The following MAP1LC3A variants were observed in gnomAD, a reference collection of about 807,000 sequenced individuals.
The protein encoded by MAP1LC3A is microtubule associated protein 1 light chain 3 alpha.
In MAP1LC3A, 10 loss-of-function variants were observed where a neutral mutation model predicts 15.2. The observed-to-expected ratio is 0.66, with a 90% CI of 0.41 to 1.12. MAP1LC3A has a LOEUF of 1.12. Among genes scored for constraint, MAP1LC3A ranks in the 50% most tolerant of loss-of-function variants. MAP1LC3A has a pLI of 0.00. For synonymous variants in MAP1LC3A, 63 were observed against 64.3 expected (o/e 0.98, Z 0.10); for missense variants, 138 against 167.3 (o/e 0.82, Z 0.97).
At chr20:34,554,796 G>A (rs528494019), upstream of MAP1LC3A, among the ~76,000 whole-genome samples, 13 of 152,012 alleles carry the variant, frequency 8.6e-5, no homozygotes, top group South Asian at 4.1e-4. Context: ...AGCCTCCCAC[G>A]TAGCTGGACT....
chr20:34,559,312 CGACACG>C, intron 2 of MAP1LC3A, 29 bp from the exon 3 acceptor site: 3 of 1,580,228 alleles, frequency 1.9e-6, no homozygotes, highest in Non-Finnish European at 2.6e-6. Context: ...CGCGCGTTCC[CGACACG>C]ACCCCCTGCC....
chr20:34,550,303 C>T (rs898140391), intron 2 of MAP1LC3A, among the ~76,000 whole-genome samples: 4 of 152,212 alleles, frequency 2.6e-5, no homozygotes, highest in African/African-American at 9.7e-5. Context: ...GCTGATCCTC[C>T]TAGCACCCAG....
chr20:34,549,240 G>A (rs941219952), intron 1 of MAP1LC3A, among the ~76,000 whole-genome samples: 5 of 151,942 alleles, frequency 3.3e-5, no homozygotes, highest in Non-Finnish European at 1.5e-5. Flanking sequence ...TGGCCAGGCT[G>A]GTCTAGAACT....
At chr20:34,551,185 G>A (rs908823766) in intron 2 of MAP1LC3A, among the ~76,000 whole-genome samples, 1 of 151,824 alleles carries the variant, frequency 6.6e-6, no homozygotes, top group African/African-American at 2.4e-5. Context: ...CCAGAAGGTG[G>A]AGGTTGCAGT....
At chr20:34,558,581 G>A (rs573327467), upstream of MAP1LC3A, 2 of 1,192,710 alleles carry the variant, frequency 1.7e-6, no homozygotes, top group Non-Finnish European at 2.1e-6. The surrounding 1 kb of genome is among the most constrained non-coding windows in gnomAD (Gnocchi z 4.3). Flanking sequence ...CAGAAGCCCC[G>A]CCCCTCGCGT....
At chr20:34,547,181 C>T (rs994106012) in intron 1 of MAP1LC3A, among the ~76,000 whole-genome samples, 8 of 152,040 alleles carry the variant, frequency 5.3e-5, no homozygotes, top group Non-Finnish European at 1.0e-4. Context: ...GGGAGTTTGA[C>T]GGGTTCGGCA....
chr20:34,558,419 G>T (rs942253541), upstream of MAP1LC3A: 11 of 992,756 alleles, frequency 1.1e-5, no homozygotes, highest in Non-Finnish European at 1.2e-5. This position sits in a 1 kb window ranked among gnomAD's most constrained non-coding sequence, Gnocchi z 4.3. Flanking sequence ...CACAGACTCG[G>T]TGAGGGCGGG....
In MAP1LC3A at chr20:34,553,513, A is replaced by T. The variant is rs374996928; in HGVS notation, c.52+3484A>T. On this transcript the variant is annotated intron_variant, in intron 2 of 4. Coordinates refer to the MAP1LC3A transcript ENST00000374837. ...AGTCTGACAAAAGACAGGTGTAATCACTTTCCAAGGCTGACCCAGTTCTTT... is the reference window on the plus strand; with the variant it reads ...AGTCTGACAAAAGACAGGTGTAATCTCTTTCCAAGGCTGACCCAGTTCTTT... 7.2e-5 allele frequency among the ~76,000 whole-genome samples: 11 copies of T among 152,074 alleles called. No individual in the cohort carries two copies. The East Asian group carries it at 1.4e-3, about 19-fold the overall frequency.
At chr20:34,552,628 G>A (rs763840489) in intron 2 of MAP1LC3A, among the ~76,000 whole-genome samples, 1 of 152,248 alleles carries the variant, frequency 6.6e-6, no homozygotes, top group East Asian at 1.9e-4. Flanking sequence ...CTCTAAGAGG[G>A]GTATGTGGGG....
chr20:34,554,379 T>A (rs1333482392), upstream of MAP1LC3A, among the ~76,000 whole-genome samples: 1 of 74,416 alleles, frequency 1.3e-5, no homozygotes, highest in Non-Finnish European at 2.7e-5. Flanking sequence ...TTTTTTTTTT[T>A]TTTTTTTTTT....
intron 2 of MAP1LC3A, among the ~76,000 whole-genome samples, chr20:34,550,280 T>A (rs145620836): frequency 1.8e-3 from 273 of 152,210 alleles, no homozygotes; most frequent in African/African-American, 6.2e-3. Context: ...CAGAAACGAC[T>A]CCCCCAACCT....
At position 34,559,836 on chromosome 20, in the gene MAP1LC3A, G is replaced by T. The variant is rs1204969528; in HGVS notation, c.304G>T (p.Glu102Ter). ...GCCCATCGCGGACATCTACGAGCAG[G>T]AGAAAGACGAGGACGGCTTCCTCTA... ...STPIADIYEQ[E>*]KDEDGFLYMV... The change falls in exon 4 of 4, where the codon GAG (glutamate) becomes TAG (stop). Residue 102 changes from glutamate (E) to a stop codon, truncating the protein, a stop_gained. Transcript: ENST00000360668. LOFTEE classifies it high-confidence loss of function. 1 of 1,614,058 alleles carries T rather than the reference G, an allele frequency of 6.2e-7. No homozygotes were observed. The highest frequency in any genetic ancestry group is 2.2e-5 in the East Asian group (1 of 44,874).
upstream of MAP1LC3A, chr20:34,558,328 C>A: frequency 5.1e-6 from 5 of 986,596 alleles, no homozygotes; most frequent in Non-Finnish European, 6.0e-6. This position sits in a 1 kb window ranked among gnomAD's most constrained non-coding sequence, Gnocchi z 4.3. Flanking sequence ...CTTCTCCCTT[C>A]TCTCGCCCTA....
At chr20:34,558,114 C>T (rs1982228583), upstream of MAP1LC3A, 2 of 985,414 alleles carry the variant, frequency 2.0e-6, no homozygotes, top group South Asian at 9.4e-5. The surrounding 1 kb of genome is among the most constrained non-coding windows in gnomAD (Gnocchi z 4.3). Flanking sequence ...CCTTATTCCC[C>T]ATCACCTGTC....
chr20:34,559,495 G>C, intron 3 of MAP1LC3A, 42 bp downstream of exon 3: 1 of 1,557,874 alleles, frequency 6.4e-7, no homozygotes, highest in Non-Finnish European at 8.8e-7. Context: ...AGGGTCGGGA[G>C]GGGAGCCGGG....
At chr20:34,549,606 A>G (rs569149444) in intron 1 of MAP1LC3A, among the ~76,000 whole-genome samples, 2 of 152,354 alleles carry the variant, frequency 1.3e-5, no homozygotes, top group South Asian at 4.1e-4. Context: ...TGCTGAGAGT[A>G]GCAGCCCAGG....
Position 34,560,264 on chromosome 20 carries a change from C to A in MAP1LC3A, c.*366C>A. 1 of 238,622 alleles carries A rather than the reference C, an allele frequency of 4.2e-6. No homozygotes were observed. The highest frequency in any genetic ancestry group is 6.3e-5 in the South Asian group (1 of 15,952). The allele number at this position is 238,622 out of a possible 1,614,324, so 14.8% of individuals were successfully genotyped here. ...CCCCTGAAAGACTGGCCCCTGGCTC[C>A]CCGCCCCTCGGTCTCCACGTGGTGT... On this transcript the variant is annotated 3_prime_UTR_variant, in exon 4 of 4. Transcript: ENST00000360668.
Position 34,559,359 on chromosome 20 carries a change from C to G in MAP1LC3A, c.109C>G (p.Arg37Gly). ...GCCCTGCTCCCAGGTGATCATCGAG[C>G]GCTACAAGGGTGAGAAGCAGCTGCC... ...HPSKIPVIIE[R>G]YKGEKQLPVL... Residue 37 changes from arginine to glycine, a missense_variant, in exon 3 of 4, where the codon CGC becomes GGC. Transcript: ENST00000360668. 1.2e-6 allele frequency: 2 copies of G among 1,610,640 alleles called. No homozygotes were observed. Among genetic ancestry groups the G allele is most frequent in the East Asian group, 2.2e-5 (1 of 44,742 alleles).
upstream of MAP1LC3A, among the ~76,000 whole-genome samples, chr20:34,557,384 A>G (rs1301699442): frequency 6.6e-6 from 1 of 152,214 alleles, no homozygotes; most frequent in Non-Finnish European, 1.5e-5. Flanking sequence ...TATCTGAAAT[A>G]CACACCTGAC....
Sources: gnomAD v4.1 joint callset for allele counts (sites outside exome capture counted in the v4.1 genomes callset) on GRCh38, gnomAD v4.1.1 for gene constraint, Gnocchi (gnomAD v3.1) non-coding constraint, MANE v1.5 for transcripts, NCBI Gene and HGNC (gene_info 2026-07-23, HGNC 2026-07-21) for gene names.